The following FARP1 variants were observed in gnomAD, a reference collection of about 807,000 sequenced individuals.
FARP1 encodes FERM, ARH/RhoGEF and pleckstrin domain protein 1.
A neutral mutation model predicts 128.8 loss-of-function variants in FARP1; 52 were observed. The observed-to-expected ratio is 0.40, with a 90% confidence interval of 0.32 to 0.51. FARP1 has a LOEUF of 0.51. Among genes scored for constraint, FARP1 ranks in the 20% least tolerant of loss-of-function variants. The pLI is 0.45. For missense variants in FARP1, 1,333 were observed against 1,367.9 expected (o/e 0.97, Z 0.40); for synonymous variants, 580 against 551.8 (o/e 1.05, Z -0.72).
At chr13:98,374,995 C>T (rs1465663775) in intron 5 of FARP1, among the ~76,000 whole-genome samples, 1 of 152,186 alleles carries the variant, frequency 6.6e-6, no homozygotes, top group Admixed American at 6.5e-5. Context: ...AAGGGATCTG[C>T]CTTGACAACC....
At chr13:98,348,518 T>C (rs1888274159) in intron 3 of FARP1, among the ~76,000 whole-genome samples, 1 of 152,240 alleles carries the variant, frequency 6.6e-6, no homozygotes, top group Non-Finnish European at 1.5e-5. Context: ...TTGCTAAAAC[T>C]GGACACGGAA....
intron 16 of FARP1, 63 bp from the exon 17 acceptor site, chr13:98,424,509 A>C: frequency 9.6e-7 from 1 of 1,041,250 alleles, no homozygotes; most frequent in Non-Finnish European, 1.5e-6. Flanking sequence ...TGATATTTGT[A>C]ACCCAGGGCT....
intron 5 of FARP1, among the ~76,000 whole-genome samples, chr13:98,373,576 ACAC>A (rs1889453503): frequency 6.6e-6 from 1 of 151,478 alleles, no homozygotes; most frequent in Admixed American, 6.6e-5. Context: ...ACACACACAC[ACAC>A]ACAGAAAGGG....
At chr13:98,238,714 A>T (rs1882591466) in intron 2 of FARP1, among the ~76,000 whole-genome samples, 1 of 152,186 alleles carries the variant, frequency 6.6e-6, no homozygotes, top group Non-Finnish European at 1.5e-5. Context: ...CCTCCCACCA[A>T]GTCCTTCCCA....
intron 3 of FARP1, among the ~76,000 whole-genome samples, chr13:98,358,709 C>T (rs1456507315): frequency 6.6e-6 from 1 of 152,106 alleles, no homozygotes; most frequent in Admixed American, 6.6e-5. Context: ...GATCTTGGCT[C>T]ACTGTAACCT....
intron 1 of FARP1, among the ~76,000 whole-genome samples, chr13:98,203,404 C>A (rs573797961): frequency 6.6e-6 from 1 of 152,178 alleles, no homozygotes; most frequent in East Asian, 1.9e-4. Context: ...TGCTGTTGAT[C>A]GAGCTCCGAA....
At chr13:98,420,614 G>T (rs2140142621) in intron 16 of FARP1, among the ~76,000 whole-genome samples, 1 of 152,288 alleles carries the variant, frequency 6.6e-6, no homozygotes, top group South Asian at 2.1e-4. Flanking sequence ...GAGCAACCAG[G>T]CAGCTTCTTA....
chr13:98,287,994 G>A (rs4772065), intron 2 of FARP1, among the ~76,000 whole-genome samples: 59,918 of 151,738 alleles, frequency 0.39, 12,770 homozygotes, highest in East Asian at 0.61. Context: ...TAGAGACAGA[G>A]TTTCACCATC....
intron 3 of FARP1, among the ~76,000 whole-genome samples, chr13:98,350,357 A>G (rs562637153): frequency 6.6e-6 from 1 of 152,292 alleles, no homozygotes; most frequent in East Asian, 1.9e-4. Context: ...GTTGACAACA[A>G]AATTGAGCCA....
At chr13:98,229,879 A>T (rs1216265420) in intron 2 of FARP1, among the ~76,000 whole-genome samples, 1 of 152,086 alleles carries the variant, frequency 6.6e-6, no homozygotes, top group Non-Finnish European at 1.5e-5. Context: ...TCTCTACTGT[A>T]TTGGCTGTTA....
intron 2 of FARP1, among the ~76,000 whole-genome samples, chr13:98,300,078 T>C (rs1885859363): frequency 6.6e-6 from 1 of 152,164 alleles, no homozygotes; most frequent in Non-Finnish European, 1.5e-5. Flanking sequence ...TCCCTCTCAG[T>C]CCCAGTAATA....
chr13:98,336,418 C>A (rs574927568), intron 2 of FARP1, among the ~76,000 whole-genome samples: 1 of 152,014 alleles, frequency 6.6e-6, no homozygotes, highest in Admixed American at 6.5e-5. Context: ...TACAGGCACG[C>A]GCCACCACGC....
At chr13:98,246,884 C>T (rs1374916688) in intron 2 of FARP1, among the ~76,000 whole-genome samples, 3 of 152,182 alleles carry the variant, frequency 2.0e-5, no homozygotes, top group Non-Finnish European at 4.4e-5. Flanking sequence ...TTCCTGCATA[C>T]AACCGTCTAC....
intron 3 of FARP1, among the ~76,000 whole-genome samples, chr13:98,351,716 A>G (rs1171533539): frequency 1.3e-5 from 2 of 152,076 alleles, no homozygotes; most frequent in Non-Finnish European, 2.9e-5. Flanking sequence ...TACTCATGGC[A>G]GAAGGTGAAG....
intron 1 of FARP1, among the ~76,000 whole-genome samples, chr13:98,150,500 C>T (rs551255158): frequency 6.6e-6 from 1 of 152,288 alleles, no homozygotes; most frequent in South Asian, 2.1e-4. Flanking sequence ...TGAATATTTT[C>T]ACCCAACCTA....
intron 3 of FARP1, among the ~76,000 whole-genome samples, chr13:98,349,227 T>A (rs1368978522): frequency 6.6e-6 from 1 of 152,206 alleles, no homozygotes; most frequent in Non-Finnish European, 1.5e-5. Context: ...AAATGACCAT[T>A]TTACAAGGTT....
intron 1 of FARP1, among the ~76,000 whole-genome samples, chr13:98,161,662 T>G (rs183562901): frequency 2.4e-4 from 37 of 152,332 alleles, no homozygotes; most frequent in African/African-American, 8.9e-4. Context: ...CTATATTGTG[T>G]GGCGATTTCC....
At chr13:98,306,077 C>T (rs1014366501) in intron 2 of FARP1, among the ~76,000 whole-genome samples, 11 of 152,188 alleles carry the variant, frequency 7.2e-5, no homozygotes, top group Admixed American at 6.5e-4. Context: ...TCATGCATAA[C>T]GTGCATCTGT....
Position 98,431,029 on chromosome 13 carries a change from T to C in FARP1, c.1906-14T>C. The C allele has an allele frequency of 6.3e-7, 1 of 1,590,520 alleles. No individual in the cohort carries two copies. The highest frequency in any genetic ancestry group is 8.6e-7 in the Non-Finnish European group (1 of 1,160,146). On this transcript the variant is annotated splice_polypyrimidine_tract_variant and intron_variant, in intron 17 of 26. Transcript: ENST00000319562. ...TCAGCTGAACAGGACCCTCCTCCTC[T>C]GTTGCCTCCCAAGCACCTGGCGGCT...
Sources: gnomAD v4.1 joint callset for allele counts (sites outside exome capture counted in the v4.1 genomes callset) on GRCh38, gnomAD v4.1.1 for gene constraint, MANE v1.5 for transcripts, NCBI Gene and HGNC (gene_info 2026-07-23, HGNC 2026-07-21) for gene names.